The following FOXJ3 variants were observed in gnomAD, a reference collection of about 807,000 sequenced individuals.
FOXJ3 encodes the protein forkhead box J3.
Under a neutral mutation model 76.1 loss-of-function variants are expected in FOXJ3, and 22 were observed. That is an observed-to-expected ratio of 0.29 (90% CI 0.21 to 0.41). The LOEUF (loss-of-function observed/expected upper bound fraction) is 0.41, where lower values mean the gene tolerates loss of function less well. Among genes scored for constraint, FOXJ3 ranks in the 10% least tolerant of loss-of-function variants. The pLI is 1.00. For synonymous variants in FOXJ3, 269 were observed against 261.2 expected (o/e 1.03, Z -0.29); for missense variants, 613 against 762.1 (o/e 0.80, Z 2.30).
At position 42,236,424 on chromosome 1, in the gene FOXJ3, G is replaced by A. The variant is rs555441899; in HGVS notation, c.445-8458C>T. On this transcript the variant is annotated intron_variant, in intron 4 of 12. Transcript: ENST00000361346. The stretch of plus-strand genomic sequence containing the variant: ...TTGCCCAAGCTCATCTTGAACTTCC[G>A]GCCTCTAAGTATCTTCCCACCTAGG... Among the ~76,000 whole-genome samples, 17 of 152,156 alleles carry A rather than the reference G, an allele frequency of 1.1e-4. No individual in the cohort carries two copies. The East Asian group carries it at 1.4e-3, about 12-fold the overall frequency.
At chr1:42,326,627 C>T (rs1328633955) in intron 1 of FOXJ3, among the ~76,000 whole-genome samples, 1 of 152,074 alleles carries the variant, frequency 6.6e-6, no homozygotes, top group Non-Finnish European at 1.5e-5. Flanking sequence ...TTGAGTAATC[C>T]TTTAAAGTTT....
chr1:42,306,972 T>C (rs548594869), intron 2 of FOXJ3, among the ~76,000 whole-genome samples: 1 of 152,308 alleles, frequency 6.6e-6, no homozygotes, highest in East Asian at 1.9e-4. Context: ...TATTCTGCTT[T>C]GTGGTGCTTG....
chr1:42,200,121 C>T (rs1026314169), intron 6 of FOXJ3, among the ~76,000 whole-genome samples: 11 of 151,818 alleles, frequency 7.2e-5, no homozygotes, highest in African/African-American at 2.7e-4. Context: ...GTTACCCAGG[C>T]ATCCAGAAAC....
At chr1:42,270,853 TA>T (rs1217332420) in intron 3 of FOXJ3, among the ~76,000 whole-genome samples, 1 of 152,242 alleles carries the variant, frequency 6.6e-6, no homozygotes, top group Admixed American at 6.5e-5. Flanking sequence ...GCATTCTATG[TA>T]ATTTTTATTT....
intron 6 of FOXJ3, among the ~76,000 whole-genome samples, chr1:42,200,111 G>A (rs1646733440): frequency 6.6e-6 from 1 of 151,256 alleles, no homozygotes; most frequent in Non-Finnish European, 1.5e-5. Flanking sequence ...AAAGGTCTCA[G>A]TTACCCAGGC....
intron 5 of FOXJ3, among the ~76,000 whole-genome samples, chr1:42,220,373 GA>G (rs1647157058): frequency 6.6e-6 from 1 of 152,130 alleles, no homozygotes; most frequent in Admixed American, 6.5e-5. Context: ...GCTAGGAATT[GA>G]AAATCCAGGA....
At chr1:42,231,264 C>T (rs1007467460) in intron 4 of FOXJ3, among the ~76,000 whole-genome samples, 6 of 151,922 alleles carry the variant, frequency 3.9e-5, no homozygotes, top group East Asian at 1.9e-4. Context: ...AGGCAGAGCT[C>T]GCAGTGAGCC....
intron 5 of FOXJ3, among the ~76,000 whole-genome samples, chr1:42,222,914 C>T (rs181985249): frequency 2.0e-5 from 3 of 152,336 alleles, no homozygotes; most frequent in Admixed American, 2.0e-4. Flanking sequence ...CTGCCTATCA[C>T]CACCTGAAAG....
chr1:42,242,566 CAAAA>C (rs67533279), intron 4 of FOXJ3, among the ~76,000 whole-genome samples: 5 of 139,752 alleles, frequency 3.6e-5, no homozygotes, highest in Non-Finnish European at 6.2e-5. Context: ...TCAATAAGAC[CAAAA>C]AAAAAAAAAA....
At position 42,235,550 on chromosome 1, in the gene FOXJ3, GT is replaced by G. The variant is rs796839478; in HGVS notation, c.445-7585del. Among the ~76,000 whole-genome samples, 482 of 145,438 alleles carry G rather than the reference GT, an allele frequency of 3.3e-3. 3 individuals are homozygous for G. The highest frequency in any genetic ancestry group is 0.011 in the African/African-American group (458 of 39,966). On this transcript the variant is annotated intron_variant, in intron 4 of 12. Transcript: ENST00000361346. ...CTATTCGGCCATCTTGGCTCCACCC[GT>G]TTTTTTTTGTGTTTTTTTGTTTTTT...
chr1:42,254,574 A>G (rs1650411513), intron 4 of FOXJ3, among the ~76,000 whole-genome samples: 1 of 148,566 alleles, frequency 6.7e-6, no homozygotes, highest in Non-Finnish European at 1.5e-5. Flanking sequence ...CCAAATGTCC[A>G]ACAATGATAG....
intron 4 of FOXJ3, among the ~76,000 whole-genome samples, chr1:42,240,454 A>T (rs1465509541): frequency 6.6e-6 from 1 of 152,258 alleles, no homozygotes; most frequent in Non-Finnish European, 1.5e-5. Flanking sequence ...CTCAGACTTC[A>T]AAACTTATTA....
chr1:42,255,707 G>T (rs1570069627), intron 4 of FOXJ3, among the ~76,000 whole-genome samples: 1 of 152,180 alleles, frequency 6.6e-6, no homozygotes, highest in South Asian at 2.1e-4. Context: ...AGACAAAGTA[G>T]GCTTCAGGAC....
chr1:42,209,809 TGA>T (rs1279215753), intron 5 of FOXJ3, among the ~76,000 whole-genome samples: 1 of 152,124 alleles, frequency 6.6e-6, no homozygotes, highest in Non-Finnish European at 1.5e-5. Context: ...GGTCACAGGT[TGA>T]GAGACACTCC....
At chr1:42,243,446 T>C (rs559615170) in intron 4 of FOXJ3, among the ~76,000 whole-genome samples, 51 of 152,118 alleles carry the variant, frequency 3.4e-4, no homozygotes, top group Non-Finnish European at 3.1e-4. Flanking sequence ...CAGATTAAAT[T>C]TTCCACTTAA....
chr1:42,280,838 C>A (rs1413115549), intron 2 of FOXJ3, among the ~76,000 whole-genome samples: 5 of 152,148 alleles, frequency 3.3e-5, no homozygotes. Context: ...GTTAACTACT[C>A]GTATTGGTAA....
intron 8 of FOXJ3, 33 bp downstream of exon 8, chr1:42,194,847 TCCAATAAAAC>T (rs1473887629): frequency 1.5e-6 from 2 of 1,294,656 alleles, no homozygotes; most frequent in Admixed American, 2.3e-5. Flanking sequence ...AAAACCTTTT[TCCAATAAAAC>T]TTTGTTATAA....
chr1:42,218,917 T>C (rs1468842432), intron 5 of FOXJ3, among the ~76,000 whole-genome samples: 1 of 152,222 alleles, frequency 6.6e-6, no homozygotes, highest in African/African-American at 2.4e-5. Context: ...TCAGAGCCCT[T>C]GCACTTGCAG....
At chr1:42,323,774 G>GGT in intron 1 of FOXJ3, 5 of 753,612 alleles carry the variant, frequency 6.6e-6, no homozygotes, top group Non-Finnish European at 8.1e-6. Context: ...AATAATTGAA[G>GGT]GATTATCTTG....
Sources: allele counts gnomAD v4.1 joint callset (sites outside exome capture counted in the v4.1 genomes callset), GRCh38; gene constraint gnomAD v4.1.1; transcripts MANE v1.5; gene names NCBI Gene and HGNC (gene_info 2026-07-23, HGNC 2026-07-21).